Variants in STK32B observed in about 807,000 individuals in gnomAD.
STK32B encodes serine/threonine kinase 32B.
STK32B carries 43 observed loss-of-function variants against 52.6 expected under a neutral mutation model. The ratio of observed to expected loss-of-function variants is 0.82; its 90% confidence interval spans 0.64 to 1.05. The LOEUF (loss-of-function observed/expected upper bound fraction) is 1.05, where lower values mean the gene tolerates loss of function less well. STK32B is among the 50% of genes least tolerant of loss of function. The pLI, the probability that STK32B is intolerant of heterozygous loss-of-function variation, is 0.00. For missense variants in STK32B, 621 were observed against 534.6 expected (o/e 1.16, Z -1.59); for synonymous variants, 238 against 204.3 (o/e 1.17, Z -1.41).
the STK32B span, among the ~76,000 whole-genome samples, chr4:5,023,790 C>T: frequency 2.1e-3 from 316 of 152,302 alleles, 1 homozygote; most frequent in Non-Finnish European, 3.6e-3. Flanking sequence ...GAAATTCAAT[C>T]TTGCTCCTCC....
intron 2 of STK32B, among the ~76,000 whole-genome samples, chr4:5,166,769 T>C (rs1044979826): frequency 6.6e-6 from 1 of 152,032 alleles, no homozygotes; most frequent in South Asian, 2.1e-4. Flanking sequence ...TCCCCCAGTT[T>C]GAGGTACTGT....
chr4:5,419,099 A>G (rs142055710), intron 6 of STK32B, among the ~76,000 whole-genome samples: 21 of 152,322 alleles, frequency 1.4e-4, no homozygotes, highest in Non-Finnish European at 2.4e-4. Flanking sequence ...TGAGATCAAA[A>G]TAGAGCCAGC....
chr4:5,284,400 A>G (rs73087487), intron 3 of STK32B, among the ~76,000 whole-genome samples: 15,187 of 152,204 alleles, frequency 0.1, 2,071 homozygotes, highest in African/African-American at 0.31. Context: ...AAGGGATAGA[A>G]TACAATGATA....
intron 3 of STK32B, among the ~76,000 whole-genome samples, chr4:5,220,876 C>G (rs1264942390): frequency 6.6e-6 from 1 of 152,114 alleles, no homozygotes; most frequent in Non-Finnish European, 1.5e-5. Flanking sequence ...TCCCTCTCCT[C>G]TTTATCAAGT....
intron 3 of STK32B, among the ~76,000 whole-genome samples, chr4:5,218,560 G>A (rs929924255): frequency 7.2e-5 from 11 of 152,152 alleles, no homozygotes; most frequent in South Asian, 2.1e-4. Flanking sequence ...GGACCCTACC[G>A]TCAAACTGCG....
the STK32B span, among the ~76,000 whole-genome samples, chr4:5,019,709 A>G: frequency 6.6e-6 from 1 of 151,840 alleles, no homozygotes; most frequent in Non-Finnish European, 1.5e-5. Flanking sequence ...TCAGCAAGAA[A>G]TTTCTTTCTG....
intron 1 of STK32B, among the ~76,000 whole-genome samples, chr4:5,116,701 ATAGAAATTGCAT>A (rs1230491625): frequency 6.6e-6 from 1 of 152,160 alleles, no homozygotes; most frequent in Non-Finnish European, 1.5e-5. Context: ...TGGAATTTTG[ATAGAAATTGCAT>A]TGAATCTGCA....
chr4:5,475,660 T>A (rs1410446239), intron 11 of STK32B, among the ~76,000 whole-genome samples: 1 of 148,756 alleles, frequency 6.7e-6, no homozygotes, highest in Non-Finnish European at 1.5e-5. Context: ...ATCACGCCAC[T>A]GCACTCCAGC....
intron 5 of STK32B, among the ~76,000 whole-genome samples, chr4:5,409,665 C>T (rs1388183101): frequency 2.0e-5 from 3 of 152,040 alleles, no homozygotes; most frequent in Non-Finnish European, 4.4e-5. Context: ...CATGGGGGCA[C>T]CAGAATTAGC....
At chr4:5,268,571 GTGTGTGTGTGTGTA>G in intron 3 of STK32B, among the ~76,000 whole-genome samples, 1 of 142,516 alleles carries the variant, frequency 7.0e-6, no homozygotes, top group African/African-American at 2.9e-5. Flanking sequence ...GTGTGTGTGT[GTGTGTGTGTGTGTA>G]TAGCAAATAT....
intron 3 of STK32B, among the ~76,000 whole-genome samples, chr4:5,272,637 A>G (rs1413622581): frequency 6.6e-6 from 1 of 152,180 alleles, no homozygotes; most frequent in African/African-American, 2.4e-5. Flanking sequence ...TGGTACCAAA[A>G]CAGAGATATA....
chr4:5,163,544 G>C (rs891619002), intron 2 of STK32B, among the ~76,000 whole-genome samples: 7 of 52,516 alleles, frequency 1.3e-4, no homozygotes, highest in African/African-American at 9.0e-4. Context: ...AAGGCTGTGT[G>C]TGTGTGTGTG....
At chr4:5,130,995 C>G (rs369029449) in intron 1 of STK32B, among the ~76,000 whole-genome samples, 3 of 152,194 alleles carry the variant, frequency 2.0e-5, no homozygotes, top group African/African-American at 7.2e-5. Flanking sequence ...ATTCTTCTCC[C>G]TGACCTTGTG....
intron 4 of STK32B, among the ~76,000 whole-genome samples, chr4:5,371,108 T>G (rs183346289): frequency 6.6e-6 from 1 of 152,054 alleles, no homozygotes; most frequent in East Asian, 1.9e-4. Flanking sequence ...TTCAGGACTA[T>G]TGCAGTGAGT....
In STK32B at chr4:5,102,494, C is replaced by T. The variant is rs143478369; in HGVS notation, c.53-37411C>T. 3.6e-3 allele frequency among the ~76,000 whole-genome samples: 253 copies of T among 70,240 alleles called. 1 individual carries two copies. The highest frequency in any genetic ancestry group is 0.012 in the African/African-American group (214 of 18,464). 46.1% of individuals were successfully genotyped at this position (70,240 alleles called of 152,430 possible). Reference sequence around the variant, plus strand: ...CTTCCTTCCTTCCTTCCTTCCTTCCCTCCCTCCCTCCCTCCCTCCTTCCTT... The same window carrying T: ...CTTCCTTCCTTCCTTCCTTCCTTCCTTCCCTCCCTCCCTCCCTCCTTCCTT... On this transcript the variant is annotated intron_variant, in intron 1 of 11. Coordinates refer to ENST00000282908, the MANE Select transcript of STK32B (RefSeq NM_018401.3).
intron 11 of STK32B, among the ~76,000 whole-genome samples, chr4:5,485,917 C>T (rs924932835): frequency 1.3e-4 from 20 of 152,314 alleles, no homozygotes; most frequent in African/African-American, 4.8e-4. Context: ...TGGTGAACAG[C>T]AAATGTTGCT....
intron 3 of STK32B, among the ~76,000 whole-genome samples, chr4:5,176,447 T>TG (rs1035293772): frequency 6.7e-6 from 1 of 149,784 alleles, no homozygotes; most frequent in African/African-American, 2.5e-5. Flanking sequence ...TCTTTTTTTT[T>TG]TTTTTTTTTT....
chr4:5,072,995 C>T (rs1027398952), intron 1 of STK32B, among the ~76,000 whole-genome samples: 3 of 151,978 alleles, frequency 2.0e-5, no homozygotes, highest in African/African-American at 7.2e-5. Context: ...GTTTTGAATT[C>T]GACATGGCTG....
In STK32B at chr4:5,052,432, A is replaced by G. The variant is rs1027637624; in HGVS notation, c.52+517A>G. ...ACAGAGGGAAACTTTTCTTTGCTAA[A>G]CTCTGTGGTTCCTAGGAGGGCGTCC... is the stretch of plus-strand genomic sequence containing the variant. On this transcript the variant is annotated intron_variant, in intron 1 of 11. Transcript: ENST00000282908. Among the ~76,000 whole-genome samples the G allele has an allele frequency of 4.0e-5, 6 of 151,796 alleles. No individual in the cohort carries two copies. The South Asian group carries it at 8.3e-4, about 21-fold the overall frequency.
Sources: gnomAD v4.1 joint callset for allele counts (sites outside exome capture counted in the v4.1 genomes callset) on GRCh38, gnomAD v4.1.1 for gene constraint, MANE v1.5 for transcripts, NCBI Gene and HGNC (gene_info 2026-07-23, HGNC 2026-07-21) for gene names.